Variants in FBXL17 observed in about 807,000 individuals in gnomAD.
FBXL17 encodes the protein F-box/LRR-repeat protein 17.
FBXL17 carries 22 observed loss-of-function variants against 66.2 expected under a neutral mutation model. That is an observed-to-expected ratio of 0.33 (90% CI 0.24 to 0.47). The LOEUF is 0.47. FBXL17 is among the 20% of genes least tolerant of loss of function. FBXL17 has a pLI of 1.00. For synonymous variants in FBXL17, 474 were observed against 400.5 expected, an observed-to-expected ratio of 1.18 and a Z score of -2.19; for missense variants, 878 against 948.2, an observed-to-expected ratio of 0.93 and a Z score of 0.97.
intron 6 of FBXL17, among the ~76,000 whole-genome samples, chr5:108,157,298 A>G (rs779198521): frequency 2.3e-4 from 35 of 151,966 alleles, no homozygotes; most frequent in Admixed American, 4.6e-4. Flanking sequence ...TCCATTGCAA[A>G]TAATTCATTT....
chr5:107,976,253 T>C (rs1031743719), intron 7 of FBXL17, among the ~76,000 whole-genome samples: 1 of 152,212 alleles, frequency 6.6e-6, no homozygotes, highest in Admixed American at 6.5e-5. Context: ...TCTGCAACTT[T>C]TCATCTCATC....
chr5:108,008,717 G>T (rs1754030275), intron 7 of FBXL17, among the ~76,000 whole-genome samples: 1 of 152,126 alleles, frequency 6.6e-6, no homozygotes, highest in African/African-American at 2.4e-5. Flanking sequence ...CAGCTTGGTT[G>T]TGAGTTGCTC....
intron 6 of FBXL17, among the ~76,000 whole-genome samples, chr5:108,045,359 T>C (rs1747213518): frequency 6.6e-6 from 1 of 152,058 alleles, no homozygotes; most frequent in South Asian, 2.1e-4. Context: ...GGAGAATCAC[T>C]TGAACCCAGG....
At chr5:108,140,987 C>T (rs746834440) in intron 6 of FBXL17, among the ~76,000 whole-genome samples, 14 of 152,132 alleles carry the variant, frequency 9.2e-5, no homozygotes, top group Non-Finnish European at 1.6e-4. Flanking sequence ...CATTAACTTT[C>T]TTACATCTTG....
intron 4 of FBXL17, among the ~76,000 whole-genome samples, chr5:108,265,616 T>C (rs1448805678): frequency 6.6e-6 from 1 of 152,140 alleles, no homozygotes; most frequent in African/African-American, 2.4e-5. Context: ...CACAGTAACA[T>C]CCTTACTTTC....
At chr5:108,224,076 G>A (rs1401474606) in intron 5 of FBXL17, 45 bp downstream of exon 5, 2 of 996,552 alleles carry the variant, frequency 2.0e-6, no homozygotes, top group East Asian at 2.4e-5. Flanking sequence ...CTCATCACCT[G>A]TATGATACTC....
intron 6 of FBXL17, among the ~76,000 whole-genome samples, chr5:108,097,179 C>T (rs771931598): frequency 3.3e-5 from 5 of 152,132 alleles, no homozygotes; most frequent in African/African-American, 7.2e-5. Context: ...TGTGTGTTCA[C>T]ACTCTCTCTC....
intron 7 of FBXL17, among the ~76,000 whole-genome samples, chr5:107,887,292 G>A (rs1749005731): frequency 6.6e-6 from 1 of 152,216 alleles, no homozygotes; most frequent in African/African-American, 2.4e-5. Context: ...AATTTTCTAA[G>A]TGACAACATT....
chr5:108,223,709 C>T (rs1357685002), intron 5 of FBXL17, among the ~76,000 whole-genome samples: 2 of 152,056 alleles, frequency 1.3e-5, no homozygotes, highest in Non-Finnish European at 2.9e-5. Flanking sequence ...GTCATATATT[C>T]ACCTCTCTTT....
chr5:108,138,445 CG>C (rs1561428915), intron 6 of FBXL17, among the ~76,000 whole-genome samples: 1 of 151,580 alleles, frequency 6.6e-6, no homozygotes. Flanking sequence ...AGATATCATA[CG>C]TTTTTTTCTT....
Position 107,981,031 on chromosome 5 carries a change from A to G in FBXL17, c.1822+39894T>C, listed in dbSNP as rs569352927. ...AAATTCTGGGAGGTATACAAAAGTG[A>G]GTAAGTGCTTCTTAGTCATTAGGGA... is the stretch of plus-strand genomic sequence containing the variant. On this transcript the variant is annotated intron_variant, in intron 7 of 8. Coordinates refer to ENST00000542267, the MANE Select transcript of FBXL17 (RefSeq NM_001163315.3). Among the ~76,000 whole-genome samples, 3 of 152,214 alleles carry G rather than the reference A, an allele frequency of 2.0e-5. No homozygotes were observed. The East Asian group carries it at 5.8e-4, about 30-fold the overall frequency.
chr5:107,925,212 A>G (rs975255483), intron 7 of FBXL17, among the ~76,000 whole-genome samples: 5 of 152,204 alleles, frequency 3.3e-5, no homozygotes, highest in African/African-American at 4.8e-5. Context: ...ACTCCCAAGT[A>G]TATTTATTTT....
At chr5:108,071,242 A>C (rs576787589) in intron 6 of FBXL17, among the ~76,000 whole-genome samples, 3 of 152,312 alleles carry the variant, frequency 2.0e-5, no homozygotes, top group African/African-American at 7.2e-5. Context: ...GTGTTTCAGC[A>C]GTAGAAATGT....
rs142097488 is a variant in FBXL17, at chr5:107,962,034, T to C, written c.1822+58891A>G. Among the ~76,000 whole-genome samples, 53 of 152,332 alleles carry C rather than the reference T, an allele frequency of 3.5e-4. No individual in the cohort carries two copies. The East Asian group carries it at 8.9e-3, about 26-fold the overall frequency. ...TGTGAGCACAAAATTATGTTCACTATAGATCTGTTAAATATACTTCTATTG... is the reference window on the plus strand; with the variant it reads ...TGTGAGCACAAAATTATGTTCACTACAGATCTGTTAAATATACTTCTATTG... On this transcript the variant is annotated intron_variant, in intron 7 of 8. Coordinates refer to ENST00000542267, the MANE Select transcript of FBXL17 (RefSeq NM_001163315.3).
In FBXL17 at chr5:107,860,773, C is replaced by T. The variant is rs1748099962; in HGVS notation, c.*947G>A. 1 of 152,518 alleles carries T rather than the reference C, an allele frequency of 6.6e-6. No individual in the cohort carries two copies. Among genetic ancestry groups the T allele is most frequent in the African/African-American group, 2.4e-5 (1 of 41,432 alleles). 9.4% of individuals were successfully genotyped at this position (152,518 alleles called of 1,614,324 possible). A position where few individuals can be genotyped will look rare whatever the true frequency, so the allele number is the denominator to read the frequency against. ...TGAATCTTCTATTAATGTGACTACC[C>T]TCTCGTATCTCAGAAATAGACTTTA... is the stretch of plus-strand genomic sequence containing the variant. On this transcript the variant is annotated 3_prime_UTR_variant, in exon 9 of 9. Transcript: ENST00000542267.
intron 6 of FBXL17, among the ~76,000 whole-genome samples, chr5:108,109,837 A>T (rs750804062): frequency 6.6e-6 from 1 of 152,224 alleles, no homozygotes; most frequent in Non-Finnish European, 1.5e-5. Flanking sequence ...CTTTGATCAC[A>T]ATACTACATT....
At chr5:108,144,135 A>G (rs1375037988) in intron 6 of FBXL17, among the ~76,000 whole-genome samples, 2 of 152,166 alleles carry the variant, frequency 1.3e-5, no homozygotes, top group Non-Finnish European at 2.9e-5. Context: ...AGACCAACTT[A>G]AAAAGAATCT....
intron 4 of FBXL17, among the ~76,000 whole-genome samples, chr5:108,278,035 C>CA (rs1231183878): frequency 6.6e-6 from 1 of 151,968 alleles, no homozygotes; most frequent in Non-Finnish European, 1.5e-5. Context: ...CAAAAGGAAA[C>CA]ACTGCAAACT....
At chr5:107,989,756 G>T (rs1197468443) in intron 7 of FBXL17, among the ~76,000 whole-genome samples, 1 of 152,038 alleles carries the variant, frequency 6.6e-6, no homozygotes, top group African/African-American at 2.4e-5. Context: ...CATTCCCCAA[G>T]AAGGTGTTTT....
Sources: allele counts gnomAD v4.1 joint callset (sites outside exome capture counted in the v4.1 genomes callset), GRCh38; gene constraint gnomAD v4.1.1; transcripts MANE v1.5; gene names NCBI Gene and HGNC (gene_info 2026-07-23, HGNC 2026-07-21).